The following SLC22A25 variants were observed in gnomAD, a reference collection of about 807,000 sequenced individuals.
The protein encoded by SLC22A25 is MGI:2442751, MGI:2385316, MGI:3042283, MGI:3645714, MGI:3605624, MGI:2442750.
Under a neutral mutation model 45.9 loss-of-function variants are expected in SLC22A25, and 44 were observed. The observed-to-expected ratio is 0.96, with a 90% CI of 0.75 to 1.23. SLC22A25 has a LOEUF of 1.23. SLC22A25 is among the 50% of genes most tolerant of loss of function. SLC22A25 has a pLI of 0.00. For synonymous variants in SLC22A25, 283 were observed against 238.6 expected, an observed-to-expected ratio of 1.19 and a Z score of -1.72; for missense variants, 800 against 666.4, an observed-to-expected ratio of 1.20 and a Z score of -2.21.
intron 7 of SLC22A25, among the ~76,000 whole-genome samples, chr11:63,188,382 G>A (rs60802120): frequency 3.9e-5 from 6 of 152,070 alleles, no homozygotes; most frequent in South Asian, 2.1e-4. Flanking sequence ...CTGTGGGATC[G>A]GTGGTGATAT....
rs796301840 is a variant in SLC22A25 at position 63,194,890 on chromosome 11, CAAAAAAAAAAAAAAAAAAAAAAAAAAAA to C, written c.831-11101_831-11074del. ...GAAAATCTACCAAGCAAATGGAAAG[CAAAAAAAAAAAAAAAAAAAAAAAAAAAA>C]AAAAAAAAAAAAAAAAAAGCAGGGG... On this transcript the variant is annotated intron_variant, in intron 7 of 11. Coordinates refer to ENST00000306494, the MANE Select transcript of SLC22A25 (RefSeq NM_199352.6). 8.1e-3 allele frequency among the ~76,000 whole-genome samples: 281 copies of C among 34,656 alleles called. 3 individuals are homozygous for C. The highest frequency in any genetic ancestry group is 0.02 in the African/African-American group (257 of 12,568). 22.7% of individuals were successfully genotyped at this position (34,656 alleles called of 152,430 possible).
chr11:63,176,080 G>A (rs916912146), intron 9 of SLC22A25, among the ~76,000 whole-genome samples: 3 of 151,976 alleles, frequency 2.0e-5, no homozygotes, highest in Non-Finnish European at 2.9e-5. Context: ...TGGTCTAAAT[G>A]TCCATCTTTA....
In SLC22A25 at chr11:63,161,722, T is replaced by C. The variant is rs2087535271; in HGVS notation, c.*2102A>G. On this transcript the variant is annotated 3_prime_UTR_variant, in exon 12 of 12. Coordinates refer to ENST00000306494, the MANE Select transcript of SLC22A25 (RefSeq NM_199352.6). ...TGTGAGTCCATTAAACCTCTTTCCT[T>C]TGTAAATTATCCAGTCTCAGGTATG... 6.6e-6 allele frequency among the ~76,000 whole-genome samples: 1 copy of C among 152,220 alleles called. No homozygotes were observed. Among genetic ancestry groups the C allele is most frequent in the African/African-American group, 2.4e-5 (1 of 41,450 alleles).
At chr11:63,236,304 C>T (rs1267005893) in intron 3 of SLC22A25, among the ~76,000 whole-genome samples, 2 of 152,196 alleles carry the variant, frequency 1.3e-5, no homozygotes, top group African/African-American at 4.8e-5. Context: ...GTTCGAGCTT[C>T]CCGGCAGCTT....
chr11:63,205,430 G>T (rs1249124709), intron 7 of SLC22A25, among the ~76,000 whole-genome samples: 1 of 152,032 alleles, frequency 6.6e-6, no homozygotes, highest in Non-Finnish European at 1.5e-5. Context: ...GAAGAAAAGA[G>T]AGAAGAATCA....
chr11:63,187,925 T>C (rs1048806574), intron 7 of SLC22A25, among the ~76,000 whole-genome samples: 4 of 152,204 alleles, frequency 2.6e-5, no homozygotes, highest in Non-Finnish European at 4.4e-5. Context: ...AGCTTTTTGA[T>C]GTGTTGCTGG....
rs1482605601 is a variant in SLC22A25, at chr11:63,159,247, T to C, written c.*4577A>G. Among the ~76,000 whole-genome samples, 3 of 152,124 alleles carry C rather than the reference T, an allele frequency of 2.0e-5. No individual in the cohort carries two copies. The highest frequency in any genetic ancestry group is 4.4e-5 in the Non-Finnish European group (3 of 67,988). On this transcript the variant is annotated 3_prime_UTR_variant, in exon 12 of 12. Coordinates refer to ENST00000306494, the MANE Select transcript of SLC22A25 (RefSeq NM_199352.6). Reference sequence around the variant, plus strand: ...AGTGCAGATACGTCTTTGATATACTTATTTCCTTTCTTTTGGGTATATGCC... The same window carrying C: ...AGTGCAGATACGTCTTTGATATACTCATTTCCTTTCTTTTGGGTATATGCC...
In SLC22A25 at chr11:63,183,698, A is replaced by T; in HGVS notation, c.950T>A (p.Met317Lys). ...GMKNAEDILT[M>K]EVLKSTMKQE... ...TCCAGCTCCCGTCTTGCTTACCTCCATGGTTAGGATGTCTTCAGCATTCTT... is the reference window on the plus strand; with the variant it reads ...TCCAGCTCCCGTCTTGCTTACCTCCTTGGTTAGGATGTCTTCAGCATTCTT... Residue 317 changes from methionine to lysine, a missense_variant, in exon 8 of 12, where the codon ATG (methionine) becomes AAG (lysine). Transcript: ENST00000306494. The T allele has an allele frequency of 6.2e-7, 1 of 1,612,680 alleles. No homozygotes were observed. The highest frequency in any genetic ancestry group is 8.5e-7 in the Non-Finnish European group (1 of 1,179,070).
intron 7 of SLC22A25, among the ~76,000 whole-genome samples, chr11:63,202,432 C>T (rs2089275739): frequency 6.6e-6 from 1 of 152,176 alleles, no homozygotes; most frequent in Non-Finnish European, 1.5e-5. Flanking sequence ...GCACAGCAGG[C>T]TGAAGTCGAC....
chr11:63,232,218 T>A (rs1478031638), intron 3 of SLC22A25, among the ~76,000 whole-genome samples: 2 of 152,206 alleles, frequency 1.3e-5, no homozygotes, highest in African/African-American at 4.8e-5. Flanking sequence ...ATAAAAGACC[T>A]TGGGCAGTAT....
intron 9 of SLC22A25, among the ~76,000 whole-genome samples, chr11:63,179,826 C>T (rs1247340434): frequency 6.6e-6 from 1 of 152,104 alleles, no homozygotes; most frequent in Non-Finnish European, 1.5e-5. Context: ...TTCTTTTGTA[C>T]TCACTTTGTC....
rs561220556 is a variant in SLC22A25 at position 63,166,939 on chromosome 11, C to T, written c.1071-681G>A. 3.9e-4 allele frequency: 325 copies of T among 826,112 alleles called. 1 individual carries two copies. Among genetic ancestry groups the T allele is most frequent in the Middle Eastern group, 6.2e-4 (1 of 1,610 alleles). The allele number at this position is 826,112 out of a possible 1,614,324, so 51.2% of individuals were successfully genotyped here. A position where few individuals can be genotyped will look rare whatever the true frequency, so the allele number is the denominator to read the frequency against. On this transcript the variant is annotated intron_variant, in intron 9 of 11. Coordinates refer to ENST00000306494, the MANE Select transcript of SLC22A25 (RefSeq NM_199352.6). ...TCTGCAGCTCCCAGCGAGAGCAATG[C>T]GGAAGGTGAGTGATTTCTGCATTTC... is the stretch of plus-strand genomic sequence containing the variant.
At position 63,183,803 on chromosome 11, in the gene SLC22A25, G is replaced by C. The variant is rs1309596908; in HGVS notation, c.845C>G (p.Ser282Cys). Residue 282 changes from serine to cysteine, a missense_variant, in exon 8 of 12, where the codon TCT (serine) becomes TGT (cysteine). Physicochemically the swap from Ser to Cys is moderately radical, Grantham distance 112. Transcript: ENST00000306494. ...FFLFSRWLAESARWLIINNKP... is the reference protein window; with the variant it reads ...FFLFSRWLAECARWLIINNKP... ...GTTGTTGATAATGAGCCACCGAGCA[G>C]ACTCTGCCAGCCACCTGAGCAAAGA... 6.2e-7 allele frequency: 1 copy of C among 1,613,034 alleles called. No individual in the cohort carries two copies. The highest frequency in any genetic ancestry group is 1.7e-5 in the Admixed American group (1 of 59,908).
intron 7 of SLC22A25, among the ~76,000 whole-genome samples, chr11:63,198,520 T>G (rs1324100157): frequency 6.6e-6 from 1 of 152,034 alleles, no homozygotes; most frequent in Admixed American, 6.6e-5. Flanking sequence ...AATCGAACAA[T>G]GAGAACACTT....
At chr11:63,200,658 G>A (rs1413185687) in intron 7 of SLC22A25, among the ~76,000 whole-genome samples, 1 of 151,984 alleles carries the variant, frequency 6.6e-6, no homozygotes, top group East Asian at 1.9e-4. Flanking sequence ...TCCTGGCCAG[G>A]GCAATCAGGC....
At chr11:63,237,649 A>C (rs1235332800) in intron 3 of SLC22A25, among the ~76,000 whole-genome samples, 2 of 152,156 alleles carry the variant, frequency 1.3e-5, no homozygotes, top group African/African-American at 4.8e-5. Flanking sequence ...TTTCTAAATC[A>C]CATGTTGTGG....
chr11:63,214,141 G>T (rs2089650405), intron 7 of SLC22A25, among the ~76,000 whole-genome samples: 1 of 152,264 alleles, frequency 6.6e-6, no homozygotes, highest in Admixed American at 6.5e-5. Flanking sequence ...TTAGCTTTTG[G>T]AGGATTCAAA....
In SLC22A25 at chr11:63,226,028, G is replaced by A. The variant is rs566177668; in HGVS notation, c.506+2433C>T. The stretch of plus-strand genomic sequence containing the variant: ...TGTGTTTGGTAAATTAATCTAATAG[G>A]ATTCTGAATTCCTTCTCTGTGTTAT... On this transcript the variant is annotated intron_variant, in intron 5 of 11. Transcript: ENST00000306494. Among the ~76,000 whole-genome samples, 4 of 151,964 alleles carry A rather than the reference G, an allele frequency of 2.6e-5. No homozygotes were observed. In the East Asian group the frequency reaches 7.7e-4, roughly 29 times the overall value.
chr11:63,180,623 C>G (rs780967054), intron 9 of SLC22A25, 37 bp downstream of exon 9: 2 of 1,414,766 alleles, frequency 1.4e-6, no homozygotes, highest in Non-Finnish European at 2.0e-6. Flanking sequence ...TATGTCTCCT[C>G]TATTTTAACA....
Sources: gnomAD v4.1 joint callset for allele counts (sites outside exome capture counted in the v4.1 genomes callset) on GRCh38, gnomAD v4.1.1 for gene constraint, MANE v1.5 for transcripts, NCBI Gene and HGNC (gene_info 2026-07-23, HGNC 2026-07-21) for gene names.